Variants in RPTOR observed in about 807,000 individuals in gnomAD.
The protein encoded by RPTOR is regulatory-associated protein of mTOR.
A neutral mutation model predicts 169.9 loss-of-function variants in RPTOR; 21 were observed. The ratio of observed to expected loss-of-function variants is 0.12; its 90% CI spans 0.09 to 0.18. The LOEUF (loss-of-function observed/expected upper bound fraction) is 0.18. RPTOR is among the 10% of genes least tolerant of loss of function. The pLI is 1.00. For synonymous variants in RPTOR, 732 were observed against 753.2 expected (o/e 0.97, Z 0.46); for missense variants, 1,133 against 1,855.9 (o/e 0.61, Z 7.16).
At chr17:80,739,225 A>G (rs939674831) in intron 5 of RPTOR, among the ~76,000 whole-genome samples, 1 of 60,810 alleles carries the variant, frequency 1.6e-5, no homozygotes, top group Non-Finnish European at 3.8e-5. Context: ...CTGGTGGCAC[A>G]GGGCAGTGGA....
chr17:80,917,015 G>A (rs2068681260), intron 21 of RPTOR, among the ~76,000 whole-genome samples: 1 of 151,956 alleles, frequency 6.6e-6, no homozygotes, highest in Admixed American at 6.6e-5. Context: ...TGAAAATAAA[G>A]ATTGAGATAT....
At chr17:80,779,295 C>T (rs1365985118) in intron 6 of RPTOR, among the ~76,000 whole-genome samples, 1 of 152,214 alleles carries the variant, frequency 6.6e-6, no homozygotes, top group Non-Finnish European at 1.5e-5. Context: ...AGGACACTCT[C>T]ACTGTCCTCC....
chr17:80,733,821 A>G (rs1367857684), intron 5 of RPTOR, among the ~76,000 whole-genome samples: 2 of 152,196 alleles, frequency 1.3e-5, no homozygotes, highest in Admixed American at 1.3e-4. Flanking sequence ...TATTCACTCT[A>G]TTGGGTTTCT....
chr17:80,748,552 GTGGA>G (rs1466497122), intron 5 of RPTOR, among the ~76,000 whole-genome samples: 1 of 118,700 alleles, frequency 8.4e-6, no homozygotes, highest in Non-Finnish European at 1.8e-5. Context: ...GACCTGTTGG[GTGGA>G]TGGAGGGGCT....
At chr17:80,748,637 C>T (rs1335225429) in intron 5 of RPTOR, among the ~76,000 whole-genome samples, 1 of 92,892 alleles carries the variant, frequency 1.1e-5, no homozygotes, top group Non-Finnish European at 2.1e-5. Flanking sequence ...GTTTAGAGGC[C>T]GTGGCGAGAG....
chr17:80,966,128 C>T lies in RPTOR; in HGVS notation c.*1798C>T, dbSNP rs868866691. 1.5e-4 allele frequency: 34 copies of T among 227,282 alleles called. No homozygotes were observed. Among genetic ancestry groups the T allele is most frequent in the African/African-American group, 7.6e-4 (34 of 44,946 alleles). The allele number at this position is 227,282 out of a possible 1,614,324, so 14.1% of individuals were successfully genotyped here. On this transcript the variant is annotated 3_prime_UTR_variant, in exon 34 of 34. Transcript: ENST00000306801. ...CCAGAGGGGTCAAGACCCCCCCCCG[C>T]CCCCGCTCCACCCTGGAGCCCACCC...
chr17:80,775,817 A>G (rs2066886998), intron 6 of RPTOR, among the ~76,000 whole-genome samples: 1 of 152,242 alleles, frequency 6.6e-6, no homozygotes, highest in African/African-American at 2.4e-5. Flanking sequence ...TTGCTATTCC[A>G]TATTCTTCAT....
At chr17:80,745,857 G>A (rs574973759) in intron 5 of RPTOR, among the ~76,000 whole-genome samples, 1 of 152,294 alleles carries the variant, frequency 6.6e-6, no homozygotes, top group South Asian at 2.1e-4. Context: ...GCCCAGTGTT[G>A]ACGTTTTATT....
intron 4 of RPTOR, among the ~76,000 whole-genome samples, chr17:80,729,523 G>A (rs1358561271): frequency 6.6e-6 from 1 of 152,174 alleles, no homozygotes; most frequent in Non-Finnish European, 1.5e-5. Context: ...GAACAGTATG[G>A]TGTGTTCTGA....
intron 7 of RPTOR, among the ~76,000 whole-genome samples, chr17:80,797,228 G>C (rs747307972): frequency 9.9e-5 from 15 of 152,254 alleles, no homozygotes; most frequent in Non-Finnish European, 1.9e-4. Context: ...AACCTCCTGA[G>C]CTCAAGTGAT....
chr17:80,667,145 C>T lies in RPTOR; in HGVS notation c.348+23335C>T, dbSNP rs141157307. On this transcript the variant is annotated intron_variant, in intron 3 of 33. Coordinates refer to ENST00000306801, the MANE Select transcript of RPTOR (RefSeq NM_020761.3). ...GGTAGGTTCTGCTGGATCCCTGCCC[C>T]GGTGCATGTTGATCTTTCCAGTACA... is the stretch of plus-strand genomic sequence containing the variant. 6.0e-3 allele frequency among the ~76,000 whole-genome samples: 909 copies of T among 152,272 alleles called. 11 individuals are homozygous for T. Among genetic ancestry groups the T allele is most frequent in the African/African-American group, 0.021 (864 of 41,560 alleles).
At chr17:80,864,507 A>G (rs1243621519) in intron 13 of RPTOR, among the ~76,000 whole-genome samples, 4 of 149,466 alleles carry the variant, frequency 2.7e-5, no homozygotes, top group Non-Finnish European at 6.0e-5. Context: ...AGAGACAGAG[A>G]AAGAGAAAAA....
At chr17:80,742,813 T>G (rs930339471) in intron 5 of RPTOR, among the ~76,000 whole-genome samples, 8 of 151,812 alleles carry the variant, frequency 5.3e-5, no homozygotes, top group Admixed American at 3.3e-4. Flanking sequence ...TATATACACA[T>G]ATATACATGC....
chr17:80,853,853 C>T (rs1184920228), intron 11 of RPTOR, among the ~76,000 whole-genome samples: 5 of 151,984 alleles, frequency 3.3e-5, no homozygotes, highest in African/African-American at 7.3e-5. Context: ...TGGTGGCAGG[C>T]GCTTGTAGTC....
intron 6 of RPTOR, among the ~76,000 whole-genome samples, chr17:80,755,150 C>T (rs931320100): frequency 3.3e-5 from 5 of 152,194 alleles, no homozygotes; most frequent in Non-Finnish European, 7.3e-5. Context: ...CCAAATTGAT[C>T]CCAGACCCCA....
intron 17 of RPTOR, among the ~76,000 whole-genome samples, chr17:80,889,225 G>A (rs947185867): frequency 2.6e-5 from 4 of 152,354 alleles, no homozygotes; most frequent in African/African-American, 9.6e-5. Context: ...TTGGGTCTGA[G>A]CAACAGAAGA....
chr17:80,765,015 G>A (rs1167768876), intron 6 of RPTOR, among the ~76,000 whole-genome samples: 1 of 152,152 alleles, frequency 6.6e-6, no homozygotes, highest in Non-Finnish European at 1.5e-5. Context: ...AATACATTTA[G>A]TCAGAAAACA....
intron 2 of RPTOR, among the ~76,000 whole-genome samples, chr17:80,643,443 A>C (rs1375691511): frequency 1.3e-5 from 2 of 152,220 alleles, no homozygotes; most frequent in Non-Finnish European, 2.9e-5. Context: ...AAAACAGTGC[A>C]AGTGCGGGAA....
At chr17:80,864,490 C>CAG (rs1001273359) in intron 13 of RPTOR, among the ~76,000 whole-genome samples, 8 of 152,020 alleles carry the variant, frequency 5.3e-5, no homozygotes, top group Non-Finnish European at 8.8e-5. Flanking sequence ...ATCTTTAAAG[C>CAG]AGAGAGAGAG....
Sources: allele counts gnomAD v4.1 joint callset (sites outside exome capture counted in the v4.1 genomes callset), GRCh38; gene constraint gnomAD v4.1.1; transcripts MANE v1.5; gene names NCBI Gene and HGNC (gene_info 2026-07-23, HGNC 2026-07-21).